Variants in GRIA1 observed in about 807,000 individuals in gnomAD.
The protein encoded by GRIA1 is glutamate ionotropic receptor AMPA type subunit 1, also known as glutamate receptor 1.
Under a neutral mutation model 99.2 loss-of-function variants are expected in GRIA1, and 31 were observed. The ratio of observed to expected loss-of-function variants is 0.31; its 90% CI spans 0.23 to 0.42. The LOEUF (loss-of-function observed/expected upper bound fraction) is 0.42. Ranked by LOEUF, GRIA1 falls within the 10% of genes least tolerant of loss-of-function variation. GRIA1 has a pLI of 1.00. For missense variants in GRIA1, 782 were observed against 1,157.5 expected (o/e 0.68, Z 4.71); for synonymous variants, 438 against 432.4 (o/e 1.01, Z -0.16).
intron 4 of GRIA1, among the ~76,000 whole-genome samples, chr5:153,651,971 A>G (rs751710129): frequency 6.6e-6 from 1 of 152,180 alleles, no homozygotes; most frequent in Non-Finnish European, 1.5e-5. Context: ...CAAGTTCTTG[A>G]TCTGTAAAAT....
chr5:153,715,731 AT>A, intron 11 of GRIA1, among the ~76,000 whole-genome samples: 1 of 152,232 alleles, frequency 6.6e-6, no homozygotes, highest in Admixed American at 6.5e-5. Context: ...TATAGTTACC[AT>A]GTCTGTTTCT....
chr5:153,492,696 G>A (rs183135647), intron 1 of GRIA1, among the ~76,000 whole-genome samples: 24 of 152,108 alleles, frequency 1.6e-4, no homozygotes, highest in African/African-American at 5.5e-4. Context: ...TCATGTATGT[G>A]CTATGTTTTC....
chr5:153,784,434 C>A (rs1350234027), intron 13 of GRIA1, among the ~76,000 whole-genome samples: 1 of 152,120 alleles, frequency 6.6e-6, no homozygotes, highest in Non-Finnish European at 1.5e-5. Flanking sequence ...GTCATTTGTA[C>A]AGTCAGAAAC....
chr5:153,758,851 A>C (rs1368669948), intron 11 of GRIA1, among the ~76,000 whole-genome samples: 1 of 152,016 alleles, frequency 6.6e-6, no homozygotes, highest in African/African-American at 2.4e-5. Context: ...ATACAAAACA[A>C]GTATTAACAA....
At chr5:153,656,515 C>G (rs1006839715) in intron 5 of GRIA1, among the ~76,000 whole-genome samples, 1 of 150,518 alleles carries the variant, frequency 6.6e-6, no homozygotes, top group Non-Finnish European at 1.5e-5. Context: ...TTAAATTTTA[C>G]CTAGTAGCAC....
chr5:153,573,378 A>T (rs1413697262), intron 2 of GRIA1: 1 of 152,108 alleles, frequency 6.6e-6, no homozygotes, highest in Non-Finnish European at 1.5e-5. Flanking sequence ...AATACAACTC[A>T]CCTACTAGAA....
intron 2 of GRIA1, among the ~76,000 whole-genome samples, chr5:153,572,357 G>A (rs901215823): frequency 3.3e-5 from 5 of 152,180 alleles, no homozygotes; most frequent in African/African-American, 1.2e-4. Context: ...CAAGAAAGGT[G>A]TTGTGGCAGA....
At chr5:153,583,566 C>T (rs1325879544) in intron 2 of GRIA1, among the ~76,000 whole-genome samples, 8 of 152,016 alleles carry the variant, frequency 5.3e-5, no homozygotes, top group Non-Finnish European at 8.8e-5. Context: ...ATAAGGACAC[C>T]AATCAAATTG....
intron 13 of GRIA1, among the ~76,000 whole-genome samples, chr5:153,783,399 A>T (rs897365962): frequency 2.6e-5 from 4 of 152,240 alleles, no homozygotes; most frequent in Non-Finnish European, 1.5e-5. Flanking sequence ...CTTCTGCATT[A>T]CAGGACCAGA....
chr5:153,741,927 C>CTT (rs147525738), intron 11 of GRIA1, among the ~76,000 whole-genome samples: 141 of 89,994 alleles, frequency 1.6e-3, no homozygotes, highest in Non-Finnish European at 2.5e-3. Context: ...AAAACTAAAG[C>CTT]TTTTTTTAAA....
At chr5:153,563,670 T>G (rs1561645215) in intron 2 of GRIA1, among the ~76,000 whole-genome samples, 1 of 152,230 alleles carries the variant, frequency 6.6e-6, no homozygotes, top group Non-Finnish European at 1.5e-5. Flanking sequence ...AACATCTATT[T>G]TCTCTGGAAT....
At chr5:153,510,514 G>A (rs1473281242) in intron 2 of GRIA1, among the ~76,000 whole-genome samples, 1 of 152,106 alleles carries the variant, frequency 6.6e-6, no homozygotes, top group Non-Finnish European at 1.5e-5. Context: ...GGGTGAAATC[G>A]CTGAAAAAGA....
chr5:153,512,017 C>A (rs1756129584), intron 2 of GRIA1, among the ~76,000 whole-genome samples: 1 of 152,070 alleles, frequency 6.6e-6, no homozygotes, highest in Non-Finnish European at 1.5e-5. Flanking sequence ...AAATCTGCTG[C>A]AAAAAGAGGC....
chr5:153,789,881 ATTGTTGTTG>A (rs56804040), intron 13 of GRIA1, among the ~76,000 whole-genome samples: 6 of 151,696 alleles, frequency 4.0e-5, no homozygotes, highest in Admixed American at 3.9e-4. Flanking sequence ...TCATAATAAT[ATTGTTGTTG>A]TTGTTGTTGT....
rs572693374 is a variant in GRIA1, at chr5:153,756,916, C to A, written c.1824-7518C>A. Reference sequence around the variant, plus strand: ...CAATGTAAAGAGATTGACATACATCCACAAGCATTAAGAACAATCTTGGAA... The same window carrying A: ...CAATGTAAAGAGATTGACATACATCAACAAGCATTAAGAACAATCTTGGAA... On this transcript the variant is annotated intron_variant, in intron 11 of 15. Coordinates refer to ENST00000285900, the MANE Select transcript of GRIA1 (RefSeq NM_000827.4). Among the ~76,000 whole-genome samples, 13 of 152,230 alleles carry A rather than the reference C, an allele frequency of 8.5e-5. No homozygotes were observed. The South Asian group carries it at 2.7e-3, about 32-fold the overall frequency.
intron 2 of GRIA1, among the ~76,000 whole-genome samples, chr5:153,585,608 C>A (rs1411149171): frequency 6.6e-6 from 1 of 152,034 alleles, no homozygotes; most frequent in Admixed American, 6.6e-5. Context: ...TGTGCCCGGC[C>A]CCTGTCCTCA....
Position 153,677,002 on chromosome 5 carries a change from T to C in GRIA1, c.870T>C (p.Ser290=), listed in dbSNP as rs200078037. Residue 290 remains serine (S), a synonymous_variant, in exon 7 of 16, where the codon TCT becomes TCC. Transcript: ENST00000285900. ...RVDWKRPKYT[S]ALTYDGVKVM... is the part of the protein sequence containing the mutation. The stretch of plus-strand genomic sequence containing the variant: ...TCCATTCCTCCCACTAGTACACCTC[T>C]GCGCTCACCTACGATGGGGTGAAGG... The C allele has an allele frequency of 6.3e-5, 94 of 1,490,352 alleles. No individual in the cohort carries two copies. The highest frequency in any genetic ancestry group is 8.0e-5 in the Non-Finnish European group (89 of 1,110,818). 92.3% of individuals were successfully genotyped at this position (1,490,352 alleles called of 1,614,324 possible).
intron 14 of GRIA1, among the ~76,000 whole-genome samples, chr5:153,796,523 C>A (rs1266966487): frequency 6.6e-6 from 1 of 152,122 alleles, no homozygotes; most frequent in East Asian, 1.9e-4. Flanking sequence ...GCGAGAGGAG[C>A]AAGTGATCAG....
At chr5:153,644,954 T>C (rs1232654225) in intron 2 of GRIA1, among the ~76,000 whole-genome samples, 1 of 152,008 alleles carries the variant, frequency 6.6e-6, no homozygotes, top group Non-Finnish European at 1.5e-5. Flanking sequence ...AGGCTATTCA[T>C]GCTCTGTGTG....
Sources: gnomAD v4.1 joint callset for allele counts (sites outside exome capture counted in the v4.1 genomes callset) on GRCh38, gnomAD v4.1.1 for gene constraint, MANE v1.5 for transcripts, NCBI Gene and HGNC (gene_info 2026-07-23, HGNC 2026-07-21) for gene names.